The following MTERF2 variants were observed in gnomAD, a reference collection of about 807,000 sequenced individuals.
The protein encoded by MTERF2 is mitochondrial transcription termination factor 2.
Under a neutral mutation model 29.2 loss-of-function variants are expected in MTERF2, and 23 were observed. That is an observed-to-expected ratio of 0.79 (90% confidence interval 0.57 to 1.12). MTERF2 has a LOEUF of 1.12. MTERF2 is among the 50% of genes most tolerant of loss of function. The pLI is 0.00. For missense variants in MTERF2, 440 were observed against 429.4 expected (o/e 1.02, Z -0.22); for synonymous variants, 157 against 159.5 (o/e 0.98, Z 0.12).
rs1593479266 is a variant in MTERF2, at chr12:106,979,646, T to A, written c.-57-875A>T. Among the ~76,000 whole-genome samples, 4 of 152,082 alleles carry A rather than the reference T, an allele frequency of 2.6e-5. No homozygotes were observed. The East Asian group carries it at 7.8e-4, about 29-fold the overall frequency. ...TCCCTAGCTGGGTAAAATGAAAAAA[T>A]GCCACATGACTGTTCCCGTGGTGCC... On this transcript the variant is annotated intron_variant, in intron 2 of 2. Coordinates refer to ENST00000240050, the MANE Select transcript of MTERF2 (RefSeq NM_001033050.3).
intron 2 of MTERF2, among the ~76,000 whole-genome samples, chr12:106,980,047 G>A (rs1593479608): frequency 6.6e-6 from 1 of 152,090 alleles, no homozygotes; most frequent in Non-Finnish European, 1.5e-5. Flanking sequence ...ACAGGTGTGT[G>A]CCACCATGCT....
At chr12:106,981,471 T>C (rs1170174314) in intron 2 of MTERF2, among the ~76,000 whole-genome samples, 1 of 152,124 alleles carries the variant, frequency 6.6e-6, no homozygotes, top group Non-Finnish European at 1.5e-5. Flanking sequence ...TAGACAGAAA[T>C]AGATTATTTA....
rs1289807946 is a variant in MTERF2 at position 106,978,273 on chromosome 12, TC to T, written c.441del (p.Asn148ThrfsTer4). On this transcript the variant is annotated frameshift_variant, in exon 3 of 3. Coordinates refer to ENST00000240050, the MANE Select transcript of MTERF2 (RefSeq NM_001033050.3). LOFTEE classifies it high-confidence loss of function. ...AAGAACTGAACATTCAGCTTCTGGT[TC>T]TCTTGGTCTTTAATAGTAAAGAAAG... Reference protein sequence around the residue: ...PESFFTIKDQENQKLNVQFFQ... With the variant: ...PESFFTIKDQXNQKLNVQFFQ... 6 of 1,613,976 alleles carry T rather than the reference TC, an allele frequency of 3.7e-6. No individual in the cohort carries two copies. Among genetic ancestry groups the T allele is most frequent in the Non-Finnish European group, 5.1e-6 (6 of 1,180,048 alleles).
chr12:106,978,435 C>T lies in MTERF2; in HGVS notation c.280G>A (p.Val94Ile). The T allele has an allele frequency of 1.2e-6, 2 of 1,614,222 alleles. No homozygotes were observed. Among genetic ancestry groups the T allele is most frequent in the Non-Finnish European group, 1.7e-6 (2 of 1,180,038 alleles). Reference protein sequence around the residue: ...LQELGADETAVASILERCPEA... With the variant: ...LQELGADETAIASILERCPEA... ...GGGCAGCGTTCCAAAATACTGGCTA[C>T]AGCAGTCTCATCGGCACCTAGTTCT... The change falls in exon 3 of 3, where the codon GTA (valine) becomes ATA (isoleucine). Residue 94 changes from valine (V) to isoleucine (I), a missense_variant. By Grantham distance (29) the Val-to-Ile change is conservative. Coordinates refer to ENST00000240050, the MANE Select transcript of MTERF2 (RefSeq NM_001033050.3).
chr12:106,978,599 T>A lies in MTERF2; in HGVS notation c.116A>T (p.Lys39Ile). 1 of 1,614,208 alleles carries A rather than the reference T, an allele frequency of 6.2e-7. No homozygotes were observed. The highest frequency in any genetic ancestry group is 8.5e-7 in the Non-Finnish European group (1 of 1,180,040). ...TCTTGTATTTTCTTTGCTCGACTGT[T>A]TATCAGTTGTATAGGTGAAGCATGC... ...FLACFTYTTD[K>I]QSSKENTRTV... Residue 39 changes from lysine (K) to isoleucine (I), a missense_variant, in exon 3 of 3, where the codon AAA becomes ATA. Coordinates refer to ENST00000240050, the MANE Select transcript of MTERF2 (RefSeq NM_001033050.3).
At position 106,978,576 on chromosome 12, in the gene MTERF2, T is replaced by C. The variant is rs773227521; in HGVS notation, c.139A>G (p.Arg47Gly). 6.8e-6 allele frequency: 11 copies of C among 1,614,124 alleles called. No homozygotes were observed. Among genetic ancestry groups the C allele is most frequent in the South Asian group, 4.4e-5 (4 of 91,092 alleles). Residue 47 changes from arginine (R) to glycine (G), a missense_variant, in exon 3 of 3, where the codon AGA (arginine) becomes GGA (glycine). Transcript: ENST00000240050. ...TDKQSSKENT[R>G]TVEKLYKCSV... ...CATTTATAGAGCTTTTCCACTGTTC[T>C]TGTATTTTCTTTGCTCGACTGTTTA...
Position 106,978,176 on chromosome 12 carries a change from G to T in MTERF2, c.539C>A (p.Pro180His). 6.2e-7 allele frequency: 1 copy of T among 1,613,980 alleles called. No individual in the cohort carries two copies. Among genetic ancestry groups the T allele is most frequent in the Non-Finnish European group, 8.5e-7 (1 of 1,180,012 alleles). The change falls in exon 3 of 3, where the codon CCT (proline) becomes CAT (histidine). Residue 180 changes from proline to histidine, a missense_variant. Transcript: ENST00000240050. ...TACCATTTGCTTATTCTTCTCAACAGGATTATGAAAAACATTAGGTGCAGC... is the reference window on the plus strand; with the variant it reads ...TACCATTTGCTTATTCTTCTCAACATGATTATGAAAAACATTAGGTGCAGC... ...LTAAPNVFHN[P>H]VEKNKQMVRI...
rs1490268237 is a variant in MTERF2, at chr12:106,978,220, G to C, written c.495C>G (p.Val165=). 5 of 1,613,602 alleles carry C rather than the reference G, an allele frequency of 3.1e-6. No individual in the cohort carries two copies. In the East Asian group the frequency reaches 1.1e-4, roughly 36 times the overall value. ...FFQELGLKNV[V]ISRLLTAAPN... is the part of the protein sequence containing the mutation. ...GTGCAGCTGTCAAAAGTCTGCTAAT[G>C]ACCACATTTTTTAGTCCCAACTCTT... The change falls in exon 3 of 3, where the codon GTC becomes GTG. Residue 165 remains valine, a synonymous_variant. Transcript: ENST00000240050.
Position 106,981,842 on chromosome 12 carries a change from TTC to T in MTERF2, c.-57-3073_-57-3072del, listed in dbSNP as rs561881765. On this transcript the variant is annotated intron_variant, in intron 2 of 2. Transcript: ENST00000240050. The stretch of plus-strand genomic sequence containing the variant: ...GGCCTAAAAAATGGATTTTAAATGC[TTC>T]TGTTTCCCAAAATAACTGCTTATAA... 2.5e-3 allele frequency among the ~76,000 whole-genome samples: 375 copies of T among 152,326 alleles called. 2 individuals are homozygous for T. The highest frequency in any genetic ancestry group is 4.2e-3 in the Non-Finnish European group (284 of 68,028).
intron 2 of MTERF2, among the ~76,000 whole-genome samples, chr12:106,983,399 G>T (rs1205690930): frequency 6.6e-6 from 1 of 152,056 alleles, no homozygotes; most frequent in Non-Finnish European, 1.5e-5. Context: ...TATATGTGGG[G>T]TCATATAATA....
chr12:106,978,837 A>G (rs1952022396), intron 2 of MTERF2, 66 bp from the exon 3 acceptor site: 2 of 773,566 alleles, frequency 2.6e-6, no homozygotes, highest in Non-Finnish European at 3.9e-6. Flanking sequence ...TACACTTACA[A>G]ATTTGAGCTG....
At chr12:106,986,254 A>G (rs1448310970) in intron 1 of MTERF2, 1 of 152,114 alleles carries the variant, frequency 6.6e-6, no homozygotes, top group Non-Finnish European at 1.5e-5. Flanking sequence ...AAGTTACTTC[A>G]CCTCTCTGAG....
rs374317832 is a variant in MTERF2, at chr12:106,978,952, G to A, written c.-57-181C>T. On this transcript the variant is annotated intron_variant, in intron 2 of 2. Transcript: ENST00000240050. ...AAGGATTGCTTGAACCCAGAAGCCC[G>A]AGGTTGCAGTGAGCTGAGATTGTAG... 7.2e-5 allele frequency among the ~76,000 whole-genome samples: 11 copies of A among 151,868 alleles called. No individual in the cohort carries two copies. The East Asian group carries it at 1.2e-3, about 16-fold the overall frequency.
rs758020867 is a variant in MTERF2 at position 106,978,759 on chromosome 12, G to T, written c.-45C>A. On this transcript the variant is annotated 5_prime_UTR_variant, in exon 3 of 3. Coordinates refer to ENST00000240050, the MANE Select transcript of MTERF2 (RefSeq NM_001033050.3). Reference sequence around the variant, plus strand: ...GTTTCCACCGTCCTGGGACTTAAATGGACTCATTCTATCTGAAAAAAAGAA... The same window carrying T: ...GTTTCCACCGTCCTGGGACTTAAATTGACTCATTCTATCTGAAAAAAAGAA... The T allele has an allele frequency of 7.8e-6, 12 of 1,538,976 alleles. No individual in the cohort carries two copies. The African/African-American group carries it at 1.7e-4, about 21-fold the overall frequency.
In MTERF2 at chr12:106,977,501, C is replaced by G; in HGVS notation, c.*56G>C. The stretch of plus-strand genomic sequence containing the variant: ...GTCTACAAACTGCCTGAATTTTTGT[C>G]TTTGCTAGTTAGTTTCACCCTGCAC... On this transcript the variant is annotated 3_prime_UTR_variant, in exon 3 of 3. Coordinates refer to ENST00000240050, the MANE Select transcript of MTERF2 (RefSeq NM_001033050.3). 6.6e-7 allele frequency: 1 copy of G among 1,511,008 alleles called. No individual in the cohort carries two copies. The highest frequency in any genetic ancestry group is 2.3e-5 in the East Asian group (1 of 44,214). 93.6% of individuals were successfully genotyped at this position (1,511,008 alleles called of 1,614,324 possible).
rs146646904 is a variant in MTERF2 at position 106,978,677 on chromosome 12, C to T, written c.38G>A (p.Arg13Lys). 6.8e-6 allele frequency: 11 copies of T among 1,613,940 alleles called. No individual in the cohort carries two copies. In the African/African-American group the frequency reaches 1.2e-4, roughly 18 times the overall value. ...WKLLLRSQSC[R>K]LCSFRKMRSP... ...TCGCATCTTTCTGAAAGAACACAGC[C>T]TGCAGGACTGGGATCTCAGCAGCAG... The change falls in exon 3 of 3, where the codon AGG becomes AAG. Residue 13 changes from arginine (R) to lysine (K), a missense_variant. Coordinates refer to ENST00000240050, the MANE Select transcript of MTERF2 (RefSeq NM_001033050.3).
chr12:106,978,336 C>T lies in MTERF2; in HGVS notation c.379G>A (p.Glu127Lys). Residue 127 changes from glutamate to lysine, a missense_variant, in exon 3 of 3, where the codon GAA (glutamate) becomes AAA (lysine). By Grantham distance (56) the Glu-to-Lys change is moderately conservative (BLOSUM62 1). Coordinates refer to ENST00000240050, the MANE Select transcript of MTERF2 (RefSeq NM_001033050.3). ...KLWQLVCKNE[E>K]ELIKLIEQFP... ...TGCTCTATTAACTTGATTAACTCTTCCTCATTTTTGCAGACCAACTGCCAG... is the reference window on the plus strand; with the variant it reads ...TGCTCTATTAACTTGATTAACTCTTTCTCATTTTTGCAGACCAACTGCCAG... The T allele has an allele frequency of 6.2e-7, 1 of 1,614,172 alleles. No homozygotes were observed. Among genetic ancestry groups the T allele is most frequent in the African/African-American group, 1.3e-5 (1 of 75,046 alleles).
At position 106,978,278 on chromosome 12, in the gene MTERF2, T is replaced by C; in HGVS notation, c.437A>G (p.Gln146Arg). 2 of 1,614,108 alleles carry C rather than the reference T, an allele frequency of 1.2e-6. No individual in the cohort carries two copies. The highest frequency in any genetic ancestry group is 1.7e-6 in the Non-Finnish European group (2 of 1,180,042). ...FPESFFTIKD[Q>R]ENQKLNVQFF... ...CTGAACATTCAGCTTCTGGTTCTCT[T>C]GGTCTTTAATAGTAAAGAAAGATTC... is the stretch of plus-strand genomic sequence containing the variant. Residue 146 changes from glutamine (Q) to arginine (R), a missense_variant, in exon 3 of 3, where the codon CAA becomes CGA. Physicochemically the swap from Gln to Arg is conservative, Grantham distance 43 (BLOSUM62 1). Transcript: ENST00000240050.
intron 2 of MTERF2, among the ~76,000 whole-genome samples, chr12:106,981,840 G>C (rs1026253690): frequency 6.6e-6 from 1 of 152,146 alleles, no homozygotes; most frequent in Admixed American, 6.5e-5. Flanking sequence ...GATTTTAAAT[G>C]CTTCTGTTTC....
Sources: allele counts gnomAD v4.1 joint callset (sites outside exome capture counted in the v4.1 genomes callset), GRCh38; gene constraint gnomAD v4.1.1; transcripts MANE v1.5; gene names NCBI Gene and HGNC (gene_info 2026-07-23, HGNC 2026-07-21).